Variants in MYO1D observed in about 807,000 individuals in gnomAD.
MYO1D encodes the protein unconventional myosin-Id.
A neutral mutation model predicts 122.0 loss-of-function variants in MYO1D; 83 were observed. That is an observed-to-expected ratio of 0.68 (90% CI 0.57 to 0.82). The LOEUF (loss-of-function observed/expected upper bound fraction) is 0.82. Among genes scored for constraint, MYO1D ranks in the 40% least tolerant of loss-of-function variants. The probability of loss-of-function intolerance (pLI) is 0.00; values close to 1 mark genes in which losing one functional copy is unlikely to be tolerated. For synonymous variants in MYO1D, 464 were observed against 446.9 expected, an observed-to-expected ratio of 1.04 and a Z score of -0.48; for missense variants, 1,157 against 1,269.5, an observed-to-expected ratio of 0.91 and a Z score of 1.35.
At chr17:32,681,900 G>A (rs2088923608) in intron 16 of MYO1D, among the ~76,000 whole-genome samples, 1 of 140,286 alleles carries the variant, frequency 7.1e-6, no homozygotes, top group Non-Finnish European at 1.5e-5. Flanking sequence ...CTCCTTGTAG[G>A]TCACTCAGGA....
chr17:32,677,620 T>TATATGC (rs1567943906), intron 16 of MYO1D, among the ~76,000 whole-genome samples: 1 of 121,324 alleles, frequency 8.2e-6, no homozygotes, highest in East Asian at 2.3e-4. Flanking sequence ...TATATATATA[T>TATATGC]ATGCACACAG....
intron 20 of MYO1D, among the ~76,000 whole-genome samples, chr17:32,613,497 C>T (rs1251515552): frequency 2.6e-5 from 4 of 152,026 alleles, no homozygotes; most frequent in African/African-American, 4.8e-5. Context: ...CAATATAGGC[C>T]AGGTGCAGTG....
chr17:32,496,912 A>C (rs1420582396), intron 21 of MYO1D: 1 of 152,294 alleles, frequency 6.6e-6, no homozygotes, highest in Non-Finnish European at 1.5e-5. Flanking sequence ...GTCAGCTCAA[A>C]AAAATTAAGA....
chr17:32,553,077 C>CAAAAAAAAAAAAAAAAAAAAAAAAAAA (rs200769034), intron 21 of MYO1D, among the ~76,000 whole-genome samples: 1 of 105,844 alleles, frequency 9.4e-6, no homozygotes, highest in African/African-American at 4.0e-5. Context: ...TTCTCTAAGA[C>CAAAAAAAAAAAAAAAAAAAAAAAAAAA]AAAAAAAAAA....
At position 32,721,328 on chromosome 17, in the gene MYO1D, T is replaced by C; in HGVS notation, c.1747-139A>G. 5 of 780,560 alleles carry C rather than the reference T, an allele frequency of 6.4e-6. No homozygotes were observed. In the East Asian group the frequency reaches 1.3e-4, roughly 20 times the overall value. 48.4% of individuals were successfully genotyped at this position (780,560 alleles called of 1,614,324 possible). A position where few individuals can be genotyped will look rare whatever the true frequency, so the allele number is the denominator to read the frequency against. Reference sequence around the variant, plus strand: ...CTCAGGCATACACTTGTGAATAAAGTAGTTATTCTTCCTTTCTCCTTCAAT... The same window carrying C: ...CTCAGGCATACACTTGTGAATAAAGCAGTTATTCTTCCTTTCTCCTTCAAT... On this transcript the variant is annotated intron_variant, in intron 14 of 21. Transcript: ENST00000318217.
intron 19 of MYO1D, among the ~76,000 whole-genome samples, chr17:32,650,060 A>G (rs551852435): frequency 3.9e-5 from 6 of 152,348 alleles, no homozygotes; most frequent in Admixed American, 3.3e-4. Context: ...TTCTTTGGTG[A>G]ATGTCCACAT....
intron 14 of MYO1D, among the ~76,000 whole-genome samples, chr17:32,735,757 G>C (rs2089694369): frequency 6.6e-6 from 1 of 151,884 alleles, no homozygotes; most frequent in Non-Finnish European, 1.5e-5. Flanking sequence ...TACCATGTTA[G>C]TTCAACATGG....
chr17:32,683,038 C>A (rs570689528), intron 16 of MYO1D, among the ~76,000 whole-genome samples: 1,269 of 119,260 alleles, frequency 0.011, 31 homozygotes, highest in African/African-American at 0.042. Context: ...CAGTTGATCG[C>A]ATCGGCTCCT....
chr17:32,559,944 T>C (rs140781701), intron 21 of MYO1D, among the ~76,000 whole-genome samples: 1 of 152,314 alleles, frequency 6.6e-6, no homozygotes, highest in East Asian at 1.9e-4. Context: ...AGTTATCCTA[T>C]AGAAACCCTC....
chr17:32,556,428 G>A (rs576163935), intron 21 of MYO1D, among the ~76,000 whole-genome samples: 6 of 152,156 alleles, frequency 3.9e-5, no homozygotes, highest in Non-Finnish European at 8.8e-5. Context: ...AGTGGGTGGA[G>A]GAAGCCATTC....
intron 1 of MYO1D, among the ~76,000 whole-genome samples, chr17:32,794,728 GC>G (rs2090395065): frequency 6.6e-6 from 1 of 152,144 alleles, no homozygotes; most frequent in Non-Finnish European, 1.5e-5. Flanking sequence ...CTATACCACA[GC>G]AGAGAGAGCA....
chr17:32,560,909 T>C (rs912912976), intron 21 of MYO1D, among the ~76,000 whole-genome samples: 20 of 148,526 alleles, frequency 1.3e-4, no homozygotes, highest in Non-Finnish European at 2.2e-4. Context: ...TGAGCCACTA[T>C]GCGTGGCTTT....
At chr17:32,582,103 T>G (rs1368335463) in intron 21 of MYO1D, among the ~76,000 whole-genome samples, 1 of 151,824 alleles carries the variant, frequency 6.6e-6, no homozygotes, top group Non-Finnish European at 1.5e-5. Context: ...TTAGTAGAGA[T>G]AGGGTTTTAC....
At position 32,515,889 on chromosome 17, in the gene MYO1D, C is replaced by T. The variant is rs114979808; in HGVS notation, c.2865-20974G>A. 2.1e-3 allele frequency among the ~76,000 whole-genome samples: 322 copies of T among 152,312 alleles called. 1 individual carries two copies. The highest frequency in any genetic ancestry group is 7.0e-3 in the African/African-American group (289 of 41,550). On this transcript the variant is annotated intron_variant, in intron 21 of 21. Coordinates refer to ENST00000318217, the MANE Select transcript of MYO1D (RefSeq NM_015194.3). ...GTTTGAGAACAGAAAGATTTACACT[C>T]ACTTATGTCAGCTAAAAAAATGTAC...
chr17:32,662,071 T>A (rs1405084331), intron 16 of MYO1D, among the ~76,000 whole-genome samples: 1 of 152,166 alleles, frequency 6.6e-6, no homozygotes. Flanking sequence ...TTAGCAGTAA[T>A]TTTTTTACTT....
At chr17:32,620,106 GTGGGGAGTA>G (rs1049935581) in intron 20 of MYO1D, among the ~76,000 whole-genome samples, 7 of 152,218 alleles carry the variant, frequency 4.6e-5, no homozygotes, top group Non-Finnish European at 1.0e-4. Context: ...CACCGCTCTT[GTGGGGAGTA>G]TGACAGGCGC....
chr17:32,579,987 C>T (rs2087315913), intron 21 of MYO1D, among the ~76,000 whole-genome samples: 1 of 151,854 alleles, frequency 6.6e-6, no homozygotes, highest in Non-Finnish European at 1.5e-5. Flanking sequence ...TGTTTATTTC[C>T]CCTAGATAAA....
chr17:32,846,189 C>T (rs991816600), intron 1 of MYO1D, among the ~76,000 whole-genome samples: 1 of 152,216 alleles, frequency 6.6e-6, no homozygotes, highest in Non-Finnish European at 1.5e-5. Context: ...ATTTGGGCTT[C>T]GTCACACAAG....
At chr17:32,540,552 C>T (rs892329918) in intron 21 of MYO1D, among the ~76,000 whole-genome samples, 1 of 152,056 alleles carries the variant, frequency 6.6e-6, no homozygotes, top group South Asian at 2.1e-4. Context: ...ACATACTTTA[C>T]ACCTTTAGTT....
Sources: allele counts gnomAD v4.1 joint callset (sites outside exome capture counted in the v4.1 genomes callset), GRCh38; gene constraint gnomAD v4.1.1; transcripts MANE v1.5; gene names NCBI Gene and HGNC (gene_info 2026-07-23, HGNC 2026-07-21).